The following DSP variants were observed in gnomAD, a reference collection of about 807,000 sequenced individuals.
DSP encodes the protein 250/210 kDa paraneoplastic pemphigus antigen.
In DSP, 114 loss-of-function variants were observed where a neutral mutation model predicts 290.6. The observed-to-expected ratio is 0.39, with a 90% confidence interval of 0.34 to 0.46. The LOEUF is 0.46. DSP is among the 20% of genes least tolerant of loss of function. The pLI is 0.99. For missense variants in DSP, 3,230 were observed against 3,495.8 expected (o/e 0.92, Z 1.92); for synonymous variants, 1,311 against 1,316.4 (o/e 1.00, Z 0.09).
Position 7,585,147 on chromosome 6 carries a change from G to A in DSP, c.7885G>A (p.Glu2629Lys), listed in dbSNP as rs756976948. The change falls in exon 24 of 24, where the codon GAG becomes AAG. Residue 2629 changes from glutamate (E) to lysine (K), a missense_variant. Physicochemically the swap from Glu to Lys is moderately conservative, Grantham distance 56. This residue lies in a region of DSP where 582 missense variants were observed against 555.4 expected (regional missense o/e 1.05). Transcript: ENST00000379802. Reference sequence around the variant, plus strand: ...AGCCATCTTTGACACAGAAAACCTGGAGAAAATCTCCATTACAGAAGGTAT... The same window carrying A: ...AGCCATCTTTGACACAGAAAACCTGAAGAAAATCTCCATTACAGAAGGTAT... ...IAAIFDTENL[E>K]KISITEGIER... 4.3e-6 allele frequency: 7 copies of A among 1,614,002 alleles called. No individual in the cohort carries two copies. Among genetic ancestry groups the A allele is most frequent in the Non-Finnish European group, 5.1e-6 (6 of 1,180,042 alleles).
chr6:7,568,498 A>G lies in DSP; in HGVS notation c.1328A>G (p.Lys443Arg). 1 of 1,614,176 alleles carries G rather than the reference A, an allele frequency of 6.2e-7. No individual in the cohort carries two copies. Among genetic ancestry groups the G allele is most frequent in the Non-Finnish European group, 8.5e-7 (1 of 1,180,034 alleles). Residue 443 changes from lysine (K) to arginine (R), a missense_variant, in exon 11 of 24, where the codon AAG (lysine) becomes AGG (arginine). Coordinates refer to ENST00000379802, the MANE Select transcript of DSP (RefSeq NM_004415.4). Reference protein sequence around the residue: ...RQVQNLVNKSKKIVQLKPRNP... With the variant: ...RQVQNLVNKSRKIVQLKPRNP... ...GTGCAGAACTTGGTAAACAAGTCTA[A>G]GAAGATTGTACAGCTGAAGCCTCGT...
rs1018344778 is a variant in DSP at position 7,585,016 on chromosome 6, C to T, written c.7754C>T (p.Ser2585Phe). The T allele has an allele frequency of 6.2e-7, 1 of 1,614,162 alleles. No individual in the cohort carries two copies. The highest frequency in any genetic ancestry group is 8.5e-7 in the Non-Finnish European group (1 of 1,180,030). The change falls in exon 24 of 24, where the codon TCC becomes TTC. Residue 2585 changes from serine to phenylalanine, a missense_variant. Around this residue, in one of 5 missense-constraint regions of DSP, gnomAD observed 582 missense variants for 555.4 expected, o/e 1.05. Coordinates refer to ENST00000379802, the MANE Select transcript of DSP (RefSeq NM_004415.4). ...GTCAGCGATGATGTTTTTAGCAGCT[C>T]CCGACATGAATCAGTAAGTAAGATT... ...SGVSDDVFSS[S>F]RHESVSKIST...
chr6:7,574,812 T>C lies in DSP; in HGVS notation c.2436+17T>C, dbSNP rs752578705. Reference sequence around the variant, plus strand: ...GGACTGAAGGTAACTTGAAAGCTTATAACAGTGGCCCAACTTACAGGAACT... The same window carrying C: ...GGACTGAAGGTAACTTGAAAGCTTACAACAGTGGCCCAACTTACAGGAACT... On this transcript the variant is annotated intron_variant, in intron 17 of 23. Transcript: ENST00000379802. 1 of 1,614,126 alleles carries C rather than the reference T, an allele frequency of 6.2e-7. No homozygotes were observed. The highest frequency in any genetic ancestry group is 8.5e-7 in the Non-Finnish European group (1 of 1,180,006).
rs1461992590 is a variant in DSP at position 7,577,933 on chromosome 6, T to A, written c.2985+47T>A. The A allele has an allele frequency of 6.9e-6, 10 of 1,456,866 alleles. No homozygotes were observed. The Middle Eastern group carries it at 1.0e-3, about 152-fold the overall frequency. The allele number at this position is 1,456,866 out of a possible 1,614,324, so 90.2% of individuals were successfully genotyped here. ...TCTTAAAACCTGCCCCTCCTTCTGC[T>A]TCTTCCCTTTTCCCTGTCTCCTGCC... is the stretch of plus-strand genomic sequence containing the variant. On this transcript the variant is annotated intron_variant, in intron 21 of 23. Transcript: ENST00000379802.
chr6:7,565,423 G>A lies in DSP; in HGVS notation c.842G>A (p.Arg281Lys). The A allele has an allele frequency of 1.2e-6, 2 of 1,614,160 alleles. No homozygotes were observed. Among genetic ancestry groups the A allele is most frequent in the Non-Finnish European group, 1.7e-6 (2 of 1,180,028 alleles). ...QLQNIIQATSREIMWINDCEE... is the reference protein window; with the variant it reads ...QLQNIIQATSKEIMWINDCEE... ...CAGAACATCATTCAGGCCACGTCCA[G>A]GGAGATCATGTGGATCAATGACTGC... The change falls in exon 7 of 24, where the codon AGG becomes AAG. Residue 281 changes from arginine (R) to lysine (K), a missense_variant. Around this residue, in one of 5 missense-constraint regions of DSP, gnomAD observed 646 missense variants for 684.3 expected, o/e 0.94. Transcript: ENST00000379802. This position sits in a 1 kb window ranked among gnomAD's most constrained non-coding sequence, Gnocchi z 4.2.
intron 1 of DSP, among the ~76,000 whole-genome samples, chr6:7,554,122 CACA>C (rs1561678110): frequency 1.1e-4 from 17 of 151,584 alleles, no homozygotes; most frequent in African/African-American, 3.9e-4. Context: ...CACACACACA[CACA>C]CCCAGTTGGT....
At chr6:7,566,166 A>G (rs866530965) in intron 7 of DSP, among the ~76,000 whole-genome samples, 12 of 152,234 alleles carry the variant, frequency 7.9e-5, no homozygotes, top group Middle Eastern at 3.4e-3. Context: ...CTCCTGTGTC[A>G]TCTTGAGTAA....
chr6:7,585,402 A>G lies in DSP; in HGVS notation c.8140A>G (p.Lys2714Glu). ...GAAGATGTCAGCAGCAGAGGCAGTG[A>G]AAGAAAAATGGCTCCCGTATGAGGC... ...KKKMSAAEAVKEKWLPYEAGQ... is the reference protein window; with the variant it reads ...KKKMSAAEAVEEKWLPYEAGQ... The change falls in exon 24 of 24, where the codon AAA becomes GAA. Residue 2714 changes from lysine (K) to glutamate (E), a missense_variant. Coordinates refer to ENST00000379802, the MANE Select transcript of DSP (RefSeq NM_004415.4). The G allele has an allele frequency of 6.2e-7, 1 of 1,614,134 alleles. No homozygotes were observed. The highest frequency in any genetic ancestry group is 8.5e-7 in the Non-Finnish European group (1 of 1,180,002).
At chr6:7,555,572 C>T in intron 1 of DSP, 146 bp from the exon 2 acceptor site, 2 of 714,988 alleles carry the variant, frequency 2.8e-6, no homozygotes, top group Middle Eastern at 2.5e-4. Flanking sequence ...AAAAGAAACA[C>T]AACAAAATGT....
intron 4 of DSP, 70 bp downstream of exon 4, chr6:7,559,470 T>A (rs1758615782): frequency 6.3e-7 from 1 of 1,597,104 alleles, no homozygotes; most frequent in Non-Finnish European, 8.6e-7. Flanking sequence ...TCAGCCCATG[T>A]GTTTGTGTGA....
chr6:7,559,283 A>G lies in DSP; in HGVS notation c.480A>G (p.Arg160=). The change falls in exon 4 of 24, where the codon CGA becomes CGG. Residue 160 remains arginine, a synonymous_variant. Transcript: ENST00000379802. The part of the protein sequence containing the change: ...RALYKAISVP[R]VRRASSKGGG... ...TTTATAAAGCCATCAGTGTCCCTCG[A>G]GTCCGCAGGGCCAGCTCCAAGGGTG... The G allele has an allele frequency of 6.2e-7, 1 of 1,614,038 alleles. No homozygotes were observed. Among genetic ancestry groups the G allele is most frequent in the Non-Finnish European group, 8.5e-7 (1 of 1,180,048 alleles).
chr6:7,577,378 G>T (rs770208810), intron 20 of DSP, among the ~76,000 whole-genome samples: 4 of 152,160 alleles, frequency 2.6e-5, no homozygotes, highest in Non-Finnish European at 5.9e-5. Flanking sequence ...GCCCAGGCTG[G>T]AGTGCAGTGG....
intron 1 of DSP, among the ~76,000 whole-genome samples, chr6:7,542,545 C>G (rs1008579072): frequency 6.6e-6 from 1 of 152,214 alleles, no homozygotes; most frequent in Non-Finnish European, 1.5e-5. Context: ...GCTCCGCAGT[C>G]TCTACCGGCT....
rs1289381142 is a variant in DSP, at chr6:7,581,583, C to A, written c.5379+14C>A. On this transcript the variant is annotated intron_variant, in intron 23 of 23. Transcript: ENST00000379802. ...CAGGCTTTAGAGGTATTCACAAATACTTGATCACAGCTTCACTGTTTCTCA... is the reference window on the plus strand; with the variant it reads ...CAGGCTTTAGAGGTATTCACAAATAATTGATCACAGCTTCACTGTTTCTCA... 1.9e-6 allele frequency: 3 copies of A among 1,611,554 alleles called. No homozygotes were observed. Among genetic ancestry groups the A allele is most frequent in the East Asian group, 4.5e-5 (2 of 44,898 alleles).
intron 23 of DSP, 64 bp downstream of exon 23, chr6:7,581,633 A>C: frequency 9.0e-4 from 1,415 of 1,577,644 alleles, no homozygotes; most frequent in Non-Finnish European, 1.1e-3. Context: ...TTATTATCTC[A>C]TCTGAACTGT....
rs1554108012 is a variant in DSP at position 7,579,323 on chromosome 6, C to T, written c.3133C>T (p.Arg1045Ter). Reference protein sequence around the residue: ...EVLEEELRLARDANSENCNKN... With the variant: ...EVLEEELRLA Reference sequence around the variant, plus strand: ...TTTGGAAGAGGAGCTCAGACTGGCCCGAGATGCCAACTCGGAAAACTGTAA... The same window carrying T: ...TTTGGAAGAGGAGCTCAGACTGGCCTGAGATGCCAACTCGGAAAACTGTAA... Residue 1045 changes from arginine (R) to a stop codon, truncating the protein, a stop_gained, in exon 23 of 24, where the codon CGA (arginine) becomes TGA (stop). Coordinates refer to ENST00000379802, the MANE Select transcript of DSP (RefSeq NM_004415.4). LOFTEE classifies it high-confidence loss of function. The surrounding 1 kb of genome is among the most constrained non-coding windows in gnomAD (Gnocchi z 4.1). 5 of 1,614,108 alleles carry T rather than the reference C, an allele frequency of 3.1e-6. No individual in the cohort carries two copies. Among genetic ancestry groups the T allele is most frequent in the Non-Finnish European group, 4.2e-6 (5 of 1,180,020 alleles).
rs1581799090 is a variant in DSP, at chr6:7,565,225, T to G, written c.778-134T>G. 3 of 1,166,040 alleles carry G rather than the reference T, an allele frequency of 2.6e-6. No homozygotes were observed. The highest frequency in any genetic ancestry group is 4.9e-5 in the East Asian group (2 of 40,424). 72.2% of individuals were successfully genotyped at this position (1,166,040 alleles called of 1,614,324 possible). On this transcript the variant is annotated intron_variant, in intron 6 of 23. Transcript: ENST00000379802. The surrounding 1 kb of genome is among the most constrained non-coding windows in gnomAD (Gnocchi z 4.2). Reference sequence around the variant, plus strand: ...TTTCCCATACCAGGTGGTCAGTGAATGCACAAGGTTAACATTTTTCCTATC... The same window carrying G: ...TTTCCCATACCAGGTGGTCAGTGAAGGCACAAGGTTAACATTTTTCCTATC...
intron 20 of DSP, among the ~76,000 whole-genome samples, chr6:7,577,481 A>G (rs1759274367): frequency 6.6e-6 from 1 of 152,116 alleles, no homozygotes; most frequent in African/African-American, 2.4e-5. Context: ...GGCATGCACC[A>G]CCATGCCCGG....
rs1406014822 is a variant in DSP, at chr6:7,583,393, C to T, written c.6131C>T (p.Ser2044Phe). 1 of 1,614,164 alleles carries T rather than the reference C, an allele frequency of 6.2e-7. No individual in the cohort carries two copies. Among genetic ancestry groups the T allele is most frequent in the South Asian group, 1.1e-5 (1 of 91,086 alleles). The change falls in exon 24 of 24, where the codon TCC becomes TTC. Residue 2044 changes from serine (S) to phenylalanine (F), a missense_variant. Ser to Phe is a radical substitution (Grantham distance 155). Around this residue, in one of 5 missense-constraint regions of DSP, gnomAD observed 1,714 missense variants for 1,844.5 expected, o/e 0.93. Transcript: ENST00000379802. The surrounding 1 kb of genome is among the most constrained non-coding windows in gnomAD (Gnocchi z 4.0). Reference protein sequence around the residue: ...AKRKKLISPESTVMLLEAQAA... With the variant: ...AKRKKLISPEFTVMLLEAQAA... ...AGAAAGAAATTAATCAGCCCAGAAT[C>T]CACAGTCATGCTTCTGGAGGCCCAG...
Sources: gnomAD v4.1 joint callset for allele counts (sites outside exome capture counted in the v4.1 genomes callset) on GRCh38, gnomAD v4.1.1 for gene constraint, gnomAD v4.1.1 regional missense constraint, Gnocchi (gnomAD v3.1) non-coding constraint, MANE v1.5 for transcripts, NCBI Gene and HGNC (gene_info 2026-07-23, HGNC 2026-07-21) for gene names.